The following ZNF385B variants were observed in gnomAD, a reference collection of about 807,000 sequenced individuals.
The protein encoded by ZNF385B is zinc finger protein 385B, also known as zinc finger protein 533.
In ZNF385B, 23 loss-of-function variants were observed where a neutral mutation model predicts 39.2. That is an observed-to-expected ratio of 0.59 (90% CI 0.42 to 0.83). ZNF385B has a LOEUF of 0.83. ZNF385B is among the 40% of genes least tolerant of loss of function. ZNF385B has a pLI of 0.00. For synonymous variants in ZNF385B, 205 were observed against 222.6 expected (o/e 0.92, Z 0.70); for missense variants, 552 against 598.9 (o/e 0.92, Z 0.82).
chr2:179,771,305 G>C (rs552905055), intron 1 of ZNF385B, among the ~76,000 whole-genome samples: 33 of 152,254 alleles, frequency 2.2e-4, no homozygotes, highest in Admixed American at 5.2e-4. Context: ...TTCGGAAAAG[G>C]TATGACCATA....
chr2:179,773,161 G>C (rs939755003), intron 1 of ZNF385B, among the ~76,000 whole-genome samples: 1 of 151,758 alleles, frequency 6.6e-6, no homozygotes, highest in African/African-American at 2.4e-5. Flanking sequence ...TTATCCAATT[G>C]TTTTCTATAA....
chr2:179,546,194 C>T (rs542494383), intron 3 of ZNF385B, among the ~76,000 whole-genome samples: 31 of 151,996 alleles, frequency 2.0e-4, no homozygotes, highest in African/African-American at 7.2e-4. Context: ...TGCCACCACA[C>T]CTGGCTAATT....
chr2:179,753,133 G>C (rs1182525322), intron 3 of ZNF385B, among the ~76,000 whole-genome samples: 3 of 152,166 alleles, frequency 2.0e-5, no homozygotes, highest in African/African-American at 7.2e-5. Flanking sequence ...AAGGGATCTA[G>C]TTTCAGCTTT....
chr2:179,637,680 G>C (rs1017874349), intron 3 of ZNF385B, among the ~76,000 whole-genome samples: 4 of 142,144 alleles, frequency 2.8e-5, no homozygotes, highest in Non-Finnish European at 4.6e-5. Context: ...GGCAGTGAAA[G>C]GATAACAAAC....
intron 3 of ZNF385B, among the ~76,000 whole-genome samples, chr2:179,654,829 T>G (rs7569621): frequency 0.2 from 29,756 of 152,088 alleles, 3,734 homozygotes; most frequent in African/African-American, 0.36. Context: ...AGACTACCTA[T>G]AGTGCACCCA....
chr2:179,828,492 T>C (rs1460769861), intron 1 of ZNF385B, among the ~76,000 whole-genome samples: 1 of 152,180 alleles, frequency 6.6e-6, no homozygotes, highest in Non-Finnish European at 1.5e-5. Flanking sequence ...GTAGCTTAAG[T>C]AAATTTTTTT....
At chr2:179,637,624 G>C (rs558441458) in intron 3 of ZNF385B, among the ~76,000 whole-genome samples, 1 of 148,290 alleles carries the variant, frequency 6.7e-6, no homozygotes, top group African/African-American at 2.5e-5. Flanking sequence ...ATCAAGCATC[G>C]CACCGAATGC....
chr2:179,635,956 TA>T (rs1307209232), intron 3 of ZNF385B, among the ~76,000 whole-genome samples: 1 of 152,180 alleles, frequency 6.6e-6, no homozygotes, highest in Non-Finnish European at 1.5e-5. Context: ...TAAATTTATT[TA>T]AAATCATATA....
intron 3 of ZNF385B, among the ~76,000 whole-genome samples, chr2:179,761,761 CTT>C (rs34325728): frequency 4.9e-3 from 535 of 110,274 alleles, no homozygotes; most frequent in South Asian, 0.015. Context: ...TTTTTCTTTT[CTT>C]TTTTTTTTTT....
At chr2:179,591,256 T>C (rs1178410322) in intron 3 of ZNF385B, among the ~76,000 whole-genome samples, 4 of 152,198 alleles carry the variant, frequency 2.6e-5, no homozygotes, top group Non-Finnish European at 5.9e-5. Flanking sequence ...CTTTCTATAT[T>C]ATCTGTATAG....
chr2:179,477,714 T>C (rs571602873), intron 6 of ZNF385B, among the ~76,000 whole-genome samples: 12 of 152,302 alleles, frequency 7.9e-5, no homozygotes, highest in Non-Finnish European at 1.2e-4. Context: ...AGTCTGTAAC[T>C]GTCAAGCAGG....
At chr2:179,855,475 G>C (rs995447276) in intron 1 of ZNF385B, among the ~76,000 whole-genome samples, 1 of 152,060 alleles carries the variant, frequency 6.6e-6, no homozygotes, top group Admixed American at 6.6e-5. Flanking sequence ...GTCATCTTTT[G>C]TACCAGTTTA....
intron 6 of ZNF385B, among the ~76,000 whole-genome samples, chr2:179,451,264 AAAG>A (rs1208599140): frequency 1.3e-5 from 2 of 151,472 alleles, no homozygotes; most frequent in African/African-American, 2.4e-5. Flanking sequence ...AAAAAAAAAA[AAAG>A]AAAGAAAATG....
At chr2:179,739,890 A>G (rs1701987214) in intron 3 of ZNF385B, among the ~76,000 whole-genome samples, 1 of 152,112 alleles carries the variant, frequency 6.6e-6, no homozygotes, top group Admixed American at 6.6e-5. Context: ...TGCTTACCTT[A>G]CTAAATCACA....
intron 1 of ZNF385B, among the ~76,000 whole-genome samples, chr2:179,795,798 A>G (rs1028310492): frequency 5.9e-5 from 9 of 152,196 alleles, no homozygotes; most frequent in African/African-American, 2.2e-4. Flanking sequence ...AATTCCTGTT[A>G]GAAGTAATCA....
chr2:179,769,719 T>C lies in ZNF385B; in HGVS notation c.82A>G (p.Lys28Glu). Residue 28 changes from lysine to glutamate, a missense_variant, in exon 3 of 10, where the codon AAG becomes GAG. Coordinates refer to ENST00000410066, the MANE Select transcript of ZNF385B (RefSeq NM_152520.6). ...TCAGGCCTGTCGTTCTTTATCCCCT[T>C]TTCTTCAAAGCCCCGTAGAAAATTT... Reference protein sequence around the residue: ...MANFLRGFEEKGIKNDRPEDQ... With the variant: ...MANFLRGFEEEGIKNDRPEDQ... 6.2e-7 allele frequency: 1 copy of C among 1,614,184 alleles called. No individual in the cohort carries two copies. The highest frequency in any genetic ancestry group is 1.1e-5 in the South Asian group (1 of 91,086).
chr2:179,842,774 T>C (rs1264831590), intron 1 of ZNF385B, among the ~76,000 whole-genome samples: 1 of 152,190 alleles, frequency 6.6e-6, no homozygotes, highest in African/African-American at 2.4e-5. Flanking sequence ...GTTAGCCTCA[T>C]AGTTTTGCAC....
chr2:179,751,999 A>G (rs980260891), intron 3 of ZNF385B, among the ~76,000 whole-genome samples: 3 of 152,054 alleles, frequency 2.0e-5, no homozygotes, highest in African/African-American at 7.3e-5. Context: ...GGTTTCTTAC[A>G]TATGTATACA....
chr2:179,500,007 G>A (rs1012675985), intron 5 of ZNF385B, among the ~76,000 whole-genome samples: 1 of 151,674 alleles, frequency 6.6e-6, no homozygotes, highest in Admixed American at 6.6e-5. Context: ...TGAACAATGT[G>A]AAAAAGATAT....
Sources: gnomAD v4.1 joint callset for allele counts (sites outside exome capture counted in the v4.1 genomes callset) on GRCh38, gnomAD v4.1.1 for gene constraint, MANE v1.5 for transcripts, NCBI Gene and HGNC (gene_info 2026-07-23, HGNC 2026-07-21) for gene names.